The following SCN8A variants were observed in gnomAD, a reference collection of about 807,000 sequenced individuals.
SCN8A encodes the protein sodium channel protein type 8 subunit alpha.
In SCN8A, 30 loss-of-function variants were observed where a neutral mutation model predicts 184.1. The ratio of observed to expected loss-of-function variants is 0.16; its 90% CI spans 0.12 to 0.22. The LOEUF (loss-of-function observed/expected upper bound fraction) is 0.22, where lower values mean the gene tolerates loss of function less well. Ranked by LOEUF, SCN8A falls within the 10% of genes least tolerant of loss-of-function variation. SCN8A has a pLI of 1.00. For synonymous variants in SCN8A, 852 were observed against 907.0 expected, an observed-to-expected ratio of 0.94 and a Z score of 1.09; for missense variants, 1,057 against 2,498.9, an observed-to-expected ratio of 0.42 and a Z score of 12.30.
intron 2 of SCN8A, among the ~76,000 whole-genome samples, chr12:51,670,680 G>A (rs1289150520): frequency 6.6e-6 from 1 of 152,148 alleles, no homozygotes; most frequent in Non-Finnish European, 1.5e-5. Flanking sequence ...TGGGCCAGAA[G>A]GAAAGAGAAC....
chr12:51,710,290 A>G (rs1471905643), intron 11 of SCN8A, among the ~76,000 whole-genome samples: 2 of 152,034 alleles, frequency 1.3e-5, no homozygotes, highest in African/African-American at 4.8e-5. Context: ...CTATACCTGA[A>G]CCAGAATGAG....
chr12:51,714,719 C>T (rs1320376643), intron 11 of SCN8A, among the ~76,000 whole-genome samples: 8 of 152,210 alleles, frequency 5.3e-5, no homozygotes, highest in Non-Finnish European at 1.2e-4. Context: ...ATGTAAGCCT[C>T]ATCTTGACAG....
intron 1 of SCN8A, among the ~76,000 whole-genome samples, chr12:51,627,083 A>G (rs920817178): frequency 3.9e-5 from 6 of 152,150 alleles, no homozygotes; most frequent in African/African-American, 1.4e-4. Flanking sequence ...GAGTGGGAAG[A>G]TGAGGTGCTG....
chr12:51,667,751 T>A (rs980295986), intron 2 of SCN8A, among the ~76,000 whole-genome samples: 13 of 152,244 alleles, frequency 8.5e-5, no homozygotes, highest in Non-Finnish European at 1.9e-4. Flanking sequence ...TATCCCTTTT[T>A]AATTTCTTAG....
chr12:51,666,068 G>GA (rs1215701600), intron 2 of SCN8A, among the ~76,000 whole-genome samples: 1 of 151,286 alleles, frequency 6.6e-6, no homozygotes, highest in East Asian at 1.9e-4. Context: ...TCTCAAAAAA[G>GA]AAAAAAAGAA....
At chr12:51,678,641 AAGG>A (rs1941268274) in intron 2 of SCN8A, among the ~76,000 whole-genome samples, 1 of 152,218 alleles carries the variant, frequency 6.6e-6, no homozygotes. Context: ...GGCAGGGAAG[AAGG>A]AGAACACAAA....
chr12:51,611,302 C>T (rs1939715273), intron 1 of SCN8A, among the ~76,000 whole-genome samples: 2 of 151,602 alleles, frequency 1.3e-5, no homozygotes, highest in African/African-American at 2.4e-5. Flanking sequence ...GCTGGGACTA[C>T]AGGTGCCCGC....
intron 2 of SCN8A, among the ~76,000 whole-genome samples, chr12:51,670,154 T>C (rs924765486): frequency 5.9e-5 from 9 of 152,182 alleles, no homozygotes; most frequent in African/African-American, 2.2e-4. Context: ...GGATGGGTCA[T>C]TGATGGGCAC....
intron 16 of SCN8A, 46 bp from the exon 17 acceptor site, chr12:51,768,819 A>T: frequency 6.7e-7 from 1 of 1,486,780 alleles, no homozygotes; most frequent in Non-Finnish European, 9.0e-7. Context: ...AGTTCGATGG[A>T]TAACTTTTCT....
chr12:51,617,129 A>C (rs1190774923), intron 1 of SCN8A, among the ~76,000 whole-genome samples: 1 of 152,122 alleles, frequency 6.6e-6, no homozygotes, highest in Non-Finnish European at 1.5e-5. Context: ...AGTTTCTTAA[A>C]TCTGTAAGTT....
chr12:51,688,677 A>T, intron 5 of SCN8A: 1 of 921,980 alleles, frequency 1.1e-6, no homozygotes, highest in Non-Finnish European at 1.8e-6. Flanking sequence ...CATAGCTTGT[A>T]TATAAGACCC....
In SCN8A at chr12:51,757,541, C is replaced by T. The variant is rs571427659; in HGVS notation, c.2371-4962C>T. Reference sequence around the variant, plus strand: ...GACTTCTCCCCAGACCCCATAGTGACGCCAAAGTGAAATATACCCCAATCT... The same window carrying T: ...GACTTCTCCCCAGACCCCATAGTGATGCCAAAGTGAAATATACCCCAATCT... On this transcript the variant is annotated intron_variant, in intron 14 of 26. Coordinates refer to ENST00000627620, the MANE Select transcript of SCN8A (RefSeq NM_001330260.2). Among the ~76,000 whole-genome samples the T allele has an allele frequency of 7.9e-5, 12 of 152,244 alleles. No homozygotes were observed. The East Asian group carries it at 9.7e-4, about 12-fold the overall frequency.
intron 2 of SCN8A, among the ~76,000 whole-genome samples, chr12:51,682,074 C>G (rs767965299): frequency 4.6e-5 from 7 of 152,020 alleles, no homozygotes; most frequent in Non-Finnish European, 7.4e-5. Flanking sequence ...ATGCTTTTTT[C>G]TGCATCTATT....
intron 6 of SCN8A, among the ~76,000 whole-genome samples, chr12:51,696,446 G>A (rs1486545646): frequency 6.6e-6 from 1 of 152,110 alleles, no homozygotes; most frequent in African/African-American, 2.4e-5. Flanking sequence ...CCATTACACT[G>A]GAACAATTTT....
intron 1 of SCN8A, among the ~76,000 whole-genome samples, chr12:51,660,418 C>T (rs995092712): frequency 4.6e-5 from 7 of 152,198 alleles, no homozygotes; most frequent in Non-Finnish European, 7.3e-5. Flanking sequence ...TGCGTAGGAA[C>T]AGAGAGTGAC....
At chr12:51,748,523 A>G (rs1942548585) in intron 13 of SCN8A, among the ~76,000 whole-genome samples, 1 of 152,156 alleles carries the variant, frequency 6.6e-6, no homozygotes, top group African/African-American at 2.4e-5. Context: ...CTCACTCTTC[A>G]AAGCAGTAAA....
rs58356368 is a variant in SCN8A, at chr12:51,721,081, T to TTATATATA, written c.1636-446_1636-439dup. ...AAACTCCATCTCAAAAAAAAAAAAA[T>TTATATATA]TATATATATATATATATATATATAT... On this transcript the variant is annotated intron_variant, in intron 11 of 26. Coordinates refer to ENST00000627620, the MANE Select transcript of SCN8A (RefSeq NM_001330260.2). 7.2e-3 allele frequency among the ~76,000 whole-genome samples: 626 copies of TTATATATA among 86,766 alleles called. 7 individuals are homozygous for TTATATATA. The highest frequency in any genetic ancestry group is 0.027 in the South Asian group (76 of 2,814). The allele number at this position is 86,766 out of a possible 152,430, so 56.9% of individuals were successfully genotyped here.
At chr12:51,704,950 A>G (rs947163828) in intron 9 of SCN8A, among the ~76,000 whole-genome samples, 1 of 152,106 alleles carries the variant, frequency 6.6e-6, no homozygotes, top group African/African-American at 2.4e-5. Context: ...ACTCCAGCCT[A>G]GGTGATAGTG....
At chr12:51,612,957 C>G (rs1939754165) in intron 1 of SCN8A, among the ~76,000 whole-genome samples, 1 of 152,028 alleles carries the variant, frequency 6.6e-6, no homozygotes, top group Admixed American at 6.5e-5. Context: ...TCCTGACATC[C>G]CGTGATCCAA....
Sources: allele counts gnomAD v4.1 joint callset (sites outside exome capture counted in the v4.1 genomes callset), GRCh38; gene constraint gnomAD v4.1.1; transcripts MANE v1.5; gene names NCBI Gene and HGNC (gene_info 2026-07-23, HGNC 2026-07-21).